Variants in ARHGAP28 observed in about 807,000 individuals in gnomAD.
The protein encoded by ARHGAP28 is rho GTPase-activating protein 28.
ARHGAP28 carries 56 observed loss-of-function variants against 90.7 expected under a neutral mutation model. That is an observed-to-expected ratio of 0.62 (90% CI 0.50 to 0.77). The LOEUF (loss-of-function observed/expected upper bound fraction) is 0.77. Among genes scored for constraint, ARHGAP28 ranks in the 30% least tolerant of loss-of-function variants. The pLI is 0.00. For missense variants in ARHGAP28, 869 were observed against 900.9 expected, an observed-to-expected ratio of 0.96 and a Z score of 0.45; for synonymous variants, 308 against 323.3, an observed-to-expected ratio of 0.95 and a Z score of 0.51.
chr18:6,888,956 T>C (rs2143708990), intron 12 of ARHGAP28, among the ~76,000 whole-genome samples: 1 of 152,324 alleles, frequency 6.6e-6, no homozygotes, highest in East Asian at 1.9e-4. Context: ...TGAACAAAGC[T>C]GCTCAGCCGC....
Position 6,914,882 on chromosome 18 carries a change from A to G in ARHGAP28, c.*2728A>G, listed in dbSNP as rs1240948379. 1 of 152,606 alleles carries G rather than the reference A, an allele frequency of 6.6e-6. No homozygotes were observed. Among genetic ancestry groups the G allele is most frequent in the South Asian group, 2.1e-4 (1 of 4,830 alleles). The allele number at this position is 152,606 out of a possible 1,614,324, so 9.5% of individuals were successfully genotyped here. A position where few individuals can be genotyped will look rare whatever the true frequency, so the allele number is the denominator to read the frequency against. On this transcript the variant is annotated 3_prime_UTR_variant, in exon 18 of 18. Coordinates refer to ENST00000383472, the MANE Select transcript of ARHGAP28 (RefSeq NM_001366230.1). ...TTTGTTAAGCAGCTCACTTGGAAAT[A>G]TGATTCTTGGAGTCAATGATCTCTA... is the stretch of plus-strand genomic sequence containing the variant.
At chr18:6,834,197 A>T (rs73384505) in intron 2 of ARHGAP28, among the ~76,000 whole-genome samples, 4,585 of 152,126 alleles carry the variant, frequency 0.03, 244 homozygotes, top group African/African-American at 0.11. Context: ...TCTCAAGGAG[A>T]TGATAATCTA....
chr18:6,875,605 A>G (rs953883483), intron 9 of ARHGAP28, among the ~76,000 whole-genome samples: 1 of 152,192 alleles, frequency 6.6e-6, no homozygotes, highest in African/African-American at 2.4e-5. Flanking sequence ...ACTTACACAT[A>G]ATCAATGCAC....
chr18:6,849,306 A>C (rs1255056970), intron 3 of ARHGAP28, among the ~76,000 whole-genome samples: 2 of 151,574 alleles, frequency 1.3e-5, no homozygotes, highest in African/African-American at 2.4e-5. Context: ...TGCCAAACAC[A>C]TGAAGAAACT....
chr18:6,790,392 C>T (rs2056398453), intron 1 of ARHGAP28: 1 of 151,966 alleles, frequency 6.6e-6, no homozygotes, highest in South Asian at 2.1e-4. Flanking sequence ...GAACACTTGC[C>T]CTAGGAGAAT....
At chr18:6,907,691 A>T (rs1194535799) in intron 16 of ARHGAP28, among the ~76,000 whole-genome samples, 1 of 152,130 alleles carries the variant, frequency 6.6e-6, no homozygotes, top group Admixed American at 6.5e-5. Flanking sequence ...GGCTATAAAG[A>T]GGCAACAGGG....
chr18:6,818,356 G>A (rs992239316), intron 1 of ARHGAP28, among the ~76,000 whole-genome samples: 5 of 152,166 alleles, frequency 3.3e-5, no homozygotes, highest in African/African-American at 4.8e-5. Context: ...TTACAGGAGG[G>A]AGAGCATTTG....
At position 6,913,378 on chromosome 18, in the gene ARHGAP28, C is replaced by T. The variant is rs866925130; in HGVS notation, c.*1224C>T. ...TCGAGACTATGGATATAGTCCTTCT[C>T]AGATTAGCTGGAAATGGGGACAGAG... On this transcript the variant is annotated 3_prime_UTR_variant, in exon 18 of 18. Transcript: ENST00000383472. 1.3e-5 allele frequency: 2 copies of T among 152,114 alleles called. No individual in the cohort carries two copies. Among genetic ancestry groups the T allele is most frequent in the African/African-American group, 4.8e-5 (2 of 41,412 alleles). The allele number at this position is 152,114 out of a possible 1,614,324, so 9.4% of individuals were successfully genotyped here.
At chr18:6,806,995 G>A (rs2056523592) in intron 1 of ARHGAP28, among the ~76,000 whole-genome samples, 1 of 151,952 alleles carries the variant, frequency 6.6e-6, no homozygotes, top group South Asian at 2.1e-4. Context: ...TGTACATACA[G>A]GCTTTTTTGT....
chr18:6,888,284 A>C (rs1157303021), intron 12 of ARHGAP28, among the ~76,000 whole-genome samples: 1 of 152,200 alleles, frequency 6.6e-6, no homozygotes. Context: ...TTCTATATAC[A>C]ATAGGAAATT....
intron 1 of ARHGAP28, among the ~76,000 whole-genome samples, chr18:6,762,264 CCA>C (rs148960294): frequency 1.3e-5 from 2 of 151,854 alleles, no homozygotes; most frequent in African/African-American, 2.4e-5. Flanking sequence ...TTCAACCATG[CCA>C]CACACACACA....
chr18:6,852,044 A>G (rs2056914786), intron 4 of ARHGAP28, among the ~76,000 whole-genome samples: 1 of 152,206 alleles, frequency 6.6e-6, no homozygotes, highest in Admixed American at 6.5e-5. Context: ...TACTTTATGT[A>G]CAGTTAATTG....
chr18:6,859,073 A>C (rs1022755431), intron 4 of ARHGAP28, among the ~76,000 whole-genome samples: 55 of 133,470 alleles, frequency 4.1e-4, no homozygotes, highest in African/African-American at 1.4e-3. Context: ...TTTCAGCTTT[A>C]TTAAAACAAC....
chr18:6,907,823 C>T (rs1335007148), intron 16 of ARHGAP28, among the ~76,000 whole-genome samples: 2 of 152,128 alleles, frequency 1.3e-5, no homozygotes, highest in Non-Finnish European at 2.9e-5. Context: ...GTAGGGTGCA[C>T]AGGATGCACC....
At chr18:6,910,884 G>GC (rs2057393554) in intron 17 of ARHGAP28, among the ~76,000 whole-genome samples, 1 of 134,754 alleles carries the variant, frequency 7.4e-6, no homozygotes, top group African/African-American at 2.7e-5. Flanking sequence ...TCGCTCTGTC[G>GC]CCCAGGCTGG....
chr18:6,749,774 C>T (rs1340331607), intron 1 of ARHGAP28, among the ~76,000 whole-genome samples: 2 of 152,086 alleles, frequency 1.3e-5, no homozygotes, highest in African/African-American at 2.4e-5. Context: ...GTAATATAAT[C>T]AGTCTGCCCT....
chr18:6,857,094 C>G (rs1488271715), intron 4 of ARHGAP28, among the ~76,000 whole-genome samples: 2 of 152,166 alleles, frequency 1.3e-5, no homozygotes, highest in African/African-American at 4.8e-5. Flanking sequence ...TATAAATTGT[C>G]ATTTCCCTTA....
Position 6,912,145 on chromosome 18 carries a change from A to G in ARHGAP28, c.2181A>G (p.Gln727=). The G allele has an allele frequency of 6.4e-7, 1 of 1,572,404 alleles. No homozygotes were observed. The highest frequency in any genetic ancestry group is 8.7e-7 in the Non-Finnish European group (1 of 1,145,506). The change falls in exon 18 of 18, where the codon CAA becomes CAG. Residue 727 remains glutamine, a synonymous_variant. Transcript: ENST00000383472. The part of the protein sequence containing the change: ...PQAEWVIKPQ[Q]SS ...CAGAATGGGTGATTAAACCCCAACAAAGTTCTTAAAATATCCTCGAGAGAG... is the reference window on the plus strand; with the variant it reads ...CAGAATGGGTGATTAAACCCCAACAGAGTTCTTAAAATATCCTCGAGAGAG...
chr18:6,730,529 CTA>C (rs907498912), intron 1 of ARHGAP28, among the ~76,000 whole-genome samples: 6 of 152,292 alleles, frequency 3.9e-5, no homozygotes, highest in African/African-American at 1.4e-4. Context: ...AATGTCAACT[CTA>C]TGCTGTCAAT....
Sources: allele counts gnomAD v4.1 joint callset (sites outside exome capture counted in the v4.1 genomes callset), GRCh38; gene constraint gnomAD v4.1.1; transcripts MANE v1.5; gene names NCBI Gene and HGNC (gene_info 2026-07-23, HGNC 2026-07-21).